The following CCR5AS variants were observed in gnomAD, a reference collection of about 807,000 sequenced individuals.
CCR5AS encodes CCR5 antisense RNA.
At chr3:46,396,390 C>A (rs143185727) in intron 1 of CCR5AS, among the ~76,000 whole-genome samples, 21 of 152,106 alleles carry the variant, frequency 1.4e-4, no homozygotes, top group Middle Eastern at 3.2e-3. Flanking sequence ...GTGGGTTCCA[C>A]GGTCTTGTGA....
intron 2 of CCR5AS, chr3:46,376,046 C>T (rs1318379891): frequency 1.8e-5 from 3 of 167,028 alleles, no homozygotes; most frequent in Non-Finnish European, 4.4e-5. Flanking sequence ...TTTCCTTTTG[C>T]TCTTAAGTTG....
intron 1 of CCR5AS, among the ~76,000 whole-genome samples, chr3:46,401,341 A>G (rs184389083): frequency 1.1e-3 from 166 of 152,282 alleles, no homozygotes; most frequent in African/African-American, 3.7e-3. Context: ...TTCCAAGACT[A>G]TGTTAGTCCA....
intron 2 of CCR5AS, among the ~76,000 whole-genome samples, chr3:46,388,324 A>G (rs1167541128): frequency 6.6e-6 from 1 of 152,096 alleles, no homozygotes; most frequent in African/African-American, 2.4e-5. Context: ...AAGGGGTGAT[A>G]TTGTGGGGTT....
intron 2 of CCR5AS, among the ~76,000 whole-genome samples, chr3:46,377,129 G>T (rs781270927): frequency 1.3e-5 from 2 of 152,178 alleles, no homozygotes; most frequent in Non-Finnish European, 2.9e-5. Flanking sequence ...ATCAGCTTTT[G>T]TGGCTGACAT....
intron 2 of CCR5AS, among the ~76,000 whole-genome samples, chr3:46,392,017 T>C (rs35260614): frequency 0.068 from 10,328 of 152,226 alleles, 529 homozygotes; most frequent in South Asian, 0.2. Context: ...CTCAGACCAT[T>C]TGCCCATTTT....
chr3:46,401,564 T>C (rs1702006238), intron 1 of CCR5AS, among the ~76,000 whole-genome samples: 1 of 152,134 alleles, frequency 6.6e-6, no homozygotes, highest in Non-Finnish European at 1.5e-5. Context: ...GAGGAGTCCC[T>C]CTCCAAGGGA....
chr3:46,377,704 G>T (rs187029026), intron 2 of CCR5AS, among the ~76,000 whole-genome samples: 1 of 151,950 alleles, frequency 6.6e-6, no homozygotes, highest in African/African-American at 2.4e-5. Context: ...AACAAATCAT[G>T]AACTTTCCTT....
At chr3:46,386,896 G>C (rs894542310) in intron 2 of CCR5AS, among the ~76,000 whole-genome samples, 9 of 152,204 alleles carry the variant, frequency 5.9e-5, no homozygotes, top group Non-Finnish European at 1.2e-4. Context: ...GCAGAGGGAA[G>C]GGAGAGGAGC....
At chr3:46,382,522 T>C (rs1271659894) in intron 2 of CCR5AS, among the ~76,000 whole-genome samples, 1 of 152,220 alleles carries the variant, frequency 6.6e-6, no homozygotes, top group East Asian at 1.9e-4. Flanking sequence ...GCAACGAACC[T>C]TGTGTATTAC....
At chr3:46,403,524 G>A (rs903853947) in intron 1 of CCR5AS, among the ~76,000 whole-genome samples, 4 of 152,238 alleles carry the variant, frequency 2.6e-5, no homozygotes, top group Admixed American at 1.3e-4. Flanking sequence ...GTAGAGAGCA[G>A]CCATAACCTC....
chr3:46,373,802 C>T (rs537300448), intron 2 of CCR5AS: 170 of 1,613,722 alleles, frequency 1.1e-4, no homozygotes, highest in Non-Finnish European at 1.4e-4. Flanking sequence ...ATGCCTTTGT[C>T]GGGGAGAAGT....
chr3:46,375,438 A>T (rs1396015023), intron 2 of CCR5AS: 2 of 167,098 alleles, frequency 1.2e-5, no homozygotes, highest in Non-Finnish European at 2.9e-5. Context: ...ATTCAGGGAT[A>T]GCACTGAGCA....
chr3:46,372,392 G>A (rs1701674974), intron 2 of CCR5AS, among the ~76,000 whole-genome samples: 1 of 152,100 alleles, frequency 6.6e-6, no homozygotes, highest in South Asian at 2.1e-4. Flanking sequence ...TTAGCTTGGT[G>A]TGGTGGCGCC....
At chr3:46,371,011 G>A (rs1701653794) in intron 3 of CCR5AS, 1 of 152,136 alleles carries the variant, frequency 6.6e-6, no homozygotes, top group Non-Finnish European at 1.5e-5. Context: ...TCAGCTGCTT[G>A]GCCTGTTAGT....
chr3:46,370,893 C>G (rs1442231993), intron 3 of CCR5AS: 1 of 152,170 alleles, frequency 6.6e-6, no homozygotes, highest in Non-Finnish European at 1.5e-5. Flanking sequence ...AAAGAAACAG[C>G]ATTTCCTACT....
At chr3:46,365,415 G>T (rs1031151474) in intron 3 of CCR5AS, among the ~76,000 whole-genome samples, 2 of 152,152 alleles carry the variant, frequency 1.3e-5, no homozygotes, top group South Asian at 4.1e-4. Flanking sequence ...TTTAATTAAG[G>T]TATGCACATT....
At position 46,373,293 on chromosome 3, in the gene CCR5AS, G is replaced by T. The variant is rs34418657; in HGVS notation, n.392-1876C>A. 1.9e-4 allele frequency: 314 copies of T among 1,613,932 alleles called. 1 individual carries two copies. The highest frequency in any genetic ancestry group is 1.5e-3 in the Middle Eastern group (9 of 6,084). ...GACAATCGATAGGTACCTGGCTGTCGTCCATGCTGTGTTTGCTTTAAAAGC... is the reference window on the plus strand; with the variant it reads ...GACAATCGATAGGTACCTGGCTGTCTTCCATGCTGTGTTTGCTTTAAAAGC... On this transcript the variant is annotated intron_variant and non_coding_transcript_variant, in intron 2 of 3. Transcript: ENST00000451485.
At chr3:46,395,920 G>A (rs1294089902) in intron 1 of CCR5AS, among the ~76,000 whole-genome samples, 1 of 152,180 alleles carries the variant, frequency 6.6e-6, no homozygotes, top group Non-Finnish European at 1.5e-5. Context: ...TGTAGGAGCT[G>A]GCTCCAGTCA....
intron 2 of CCR5AS, among the ~76,000 whole-genome samples, chr3:46,380,072 T>TA (rs1701803104): frequency 1.3e-5 from 2 of 152,088 alleles, no homozygotes; most frequent in Non-Finnish European, 2.9e-5. Flanking sequence ...GGCACTTTCA[T>TA]AGGCAGAAAT....
Sources: gnomAD v4.1 joint callset for allele counts (sites outside exome capture counted in the v4.1 genomes callset) on GRCh38, gnomAD v4.1.1 for gene constraint, MANE v1.5 for transcripts, NCBI Gene and HGNC (gene_info 2026-07-23, HGNC 2026-07-21) for gene names.